PLCB1: variants seen among roughly 807,000 people sequenced by gnomAD.
PLCB1 encodes the protein 1-phosphatidylinositol 4,5-bisphosphate phosphodiesterase beta-1.
In PLCB1, 46 loss-of-function variants were observed where a neutral mutation model predicts 161.8. The ratio of observed to expected loss-of-function variants is 0.28; its 90% CI spans 0.22 to 0.36. The LOEUF is 0.36. PLCB1 is among the 10% of genes least tolerant of loss of function. The pLI is 1.00. For missense variants in PLCB1, 1,016 were observed against 1,472.5 expected (o/e 0.69, Z 5.07); for synonymous variants, 517 against 503.7 (o/e 1.03, Z -0.35).
chr20:8,472,177 G>A (rs2122718233), intron 3 of PLCB1, among the ~76,000 whole-genome samples: 1 of 152,244 alleles, frequency 6.6e-6, no homozygotes, highest in Non-Finnish European at 1.5e-5. Flanking sequence ...TTTGTTTCAA[G>A]GCAAATTCAG....
At chr20:8,632,816 G>T (rs1988640247) in intron 4 of PLCB1, among the ~76,000 whole-genome samples, 1 of 152,164 alleles carries the variant, frequency 6.6e-6, no homozygotes, top group African/African-American at 2.4e-5. Context: ...AGTAGCAGAG[G>T]GAACTGAGGA....
At chr20:8,341,236 G>A (rs1212440426) in intron 2 of PLCB1, among the ~76,000 whole-genome samples, 2 of 152,024 alleles carry the variant, frequency 1.3e-5, no homozygotes, top group Non-Finnish European at 2.9e-5. Context: ...CTGCTCTCCT[G>A]TACAGCCAAA....
chr20:8,448,917 A>C (rs1980953592), intron 3 of PLCB1, among the ~76,000 whole-genome samples: 1 of 152,220 alleles, frequency 6.6e-6, no homozygotes, highest in Non-Finnish European at 1.5e-5. Flanking sequence ...AATAGGATGA[A>C]CTTGGAGGTC....
At chr20:8,253,666 T>TTG (rs1479534123) in intron 2 of PLCB1, among the ~76,000 whole-genome samples, 7 of 152,088 alleles carry the variant, frequency 4.6e-5, no homozygotes, top group African/African-American at 1.4e-4. Flanking sequence ...ATGTGCAGGT[T>TTG]TGTTACCTGG....
intron 3 of PLCB1, among the ~76,000 whole-genome samples, chr20:8,395,491 A>G (rs1020947878): frequency 6.6e-6 from 1 of 152,098 alleles, no homozygotes; most frequent in Non-Finnish European, 1.5e-5. Flanking sequence ...TTTTAAGTTT[A>G]CACAATTTTA....
chr20:8,328,749 A>G (rs1051410452), intron 2 of PLCB1, among the ~76,000 whole-genome samples: 1 of 152,188 alleles, frequency 6.6e-6, no homozygotes, highest in Non-Finnish European at 1.5e-5. Flanking sequence ...GATGCCTCAA[A>G]ATAAGATACC....
chr20:8,531,431 A>T (rs1984811590), intron 3 of PLCB1, among the ~76,000 whole-genome samples: 1 of 152,154 alleles, frequency 6.6e-6, no homozygotes, highest in African/African-American at 2.4e-5. Context: ...AATTATTACA[A>T]TTGGAATGTG....
chr20:8,390,280 G>C (rs1020954573), intron 3 of PLCB1, among the ~76,000 whole-genome samples: 2 of 152,088 alleles, frequency 1.3e-5, no homozygotes, highest in East Asian at 3.9e-4. Flanking sequence ...TGCCTTCCCC[G>C]CATCTTCACG....
intron 31 of PLCB1, among the ~76,000 whole-genome samples, chr20:8,840,973 C>T (rs1002574130): frequency 3.3e-5 from 5 of 152,082 alleles, no homozygotes; most frequent in Non-Finnish European, 5.9e-5. Context: ...CCTGCCACCA[C>T]ACCCAACCAA....
intron 3 of PLCB1, among the ~76,000 whole-genome samples, chr20:8,517,580 C>A (rs1984183298): frequency 1.3e-5 from 2 of 152,244 alleles, no homozygotes; most frequent in Non-Finnish European, 1.5e-5. Flanking sequence ...TAACACCCTC[C>A]CCCAGTGACC....
chr20:8,574,435 G>A (rs1986612636), intron 3 of PLCB1, among the ~76,000 whole-genome samples: 1 of 152,256 alleles, frequency 6.6e-6, no homozygotes, highest in Non-Finnish European at 1.5e-5. Flanking sequence ...TAAGAAGAGG[G>A]TATCTGAGGA....
chr20:8,219,493 A>C (rs2123160246), intron 2 of PLCB1, among the ~76,000 whole-genome samples: 1 of 152,268 alleles, frequency 6.6e-6, no homozygotes, highest in Non-Finnish European at 1.5e-5. Flanking sequence ...GCTCTCCATA[A>C]GGAAAGCATT....
chr20:8,613,541 A>G (rs1987960815), intron 3 of PLCB1, among the ~76,000 whole-genome samples: 1 of 152,214 alleles, frequency 6.6e-6, no homozygotes, highest in South Asian at 2.1e-4. Flanking sequence ...TGTGACTTTC[A>G]ATCCATGTCA....
chr20:8,644,447 G>A (rs1323501037), intron 4 of PLCB1, among the ~76,000 whole-genome samples: 9 of 141,144 alleles, frequency 6.4e-5, no homozygotes, highest in East Asian at 2.1e-4. Flanking sequence ...CTGCCCCGCC[G>A]CCCCATCTGG....
chr20:8,861,589 G>A (rs1431241348), intron 31 of PLCB1, among the ~76,000 whole-genome samples: 3 of 152,084 alleles, frequency 2.0e-5, no homozygotes, highest in Non-Finnish European at 4.4e-5. Context: ...AATTAGCTGG[G>A]CATGGTGGCG....
intron 3 of PLCB1, among the ~76,000 whole-genome samples, chr20:8,426,357 T>C (rs1464808103): frequency 1.3e-5 from 2 of 152,346 alleles, no homozygotes; most frequent in South Asian, 2.1e-4. Context: ...ATTTGCACTC[T>C]GTTCGCAGAA....
chr20:8,859,593 G>A (rs1246283706), intron 31 of PLCB1, among the ~76,000 whole-genome samples: 1 of 151,870 alleles, frequency 6.6e-6, no homozygotes. Flanking sequence ...TTTAACTTCA[G>A]TCTTCTAGTA....
At chr20:8,399,108 G>T (rs781202507) in intron 3 of PLCB1, among the ~76,000 whole-genome samples, 33 of 145,826 alleles carry the variant, frequency 2.3e-4, no homozygotes, top group Non-Finnish European at 4.5e-5. Flanking sequence ...GTATGACTTC[G>T]TGATTTTCCA....
intron 11 of PLCB1, among the ~76,000 whole-genome samples, chr20:8,706,824 A>G (rs576072950): frequency 2.0e-5 from 3 of 152,222 alleles, no homozygotes; most frequent in Non-Finnish European, 4.4e-5. Context: ...ATAGATAACC[A>G]TCATGAGCTG....
Sources: gnomAD v4.1 joint callset for allele counts (sites outside exome capture counted in the v4.1 genomes callset) on GRCh38, gnomAD v4.1.1 for gene constraint, MANE v1.5 for transcripts, NCBI Gene and HGNC (gene_info 2026-07-23, HGNC 2026-07-21) for gene names.